THSD4: variants seen among roughly 807,000 people sequenced by gnomAD.
THSD4 encodes the protein thrombospondin type 1 domain containing 4.
In THSD4, 69 loss-of-function variants were observed where a neutral mutation model predicts 119.0. The observed-to-expected ratio is 0.58, with a 90% CI of 0.48 to 0.71. THSD4 has a LOEUF of 0.71. THSD4 is among the 30% of genes least tolerant of loss of function. THSD4 has a pLI of 0.00. For synonymous variants in THSD4, 524 were observed against 540.4 expected (o/e 0.97, Z 0.42); for missense variants, 1,393 against 1,391.1 (o/e 1.00, Z -0.02).
rs548136292 is a variant in THSD4, at chr15:71,233,949, G to C, written c.465-8700G>C. Among the ~76,000 whole-genome samples the C allele has an allele frequency of 7.9e-5, 12 of 152,268 alleles. No homozygotes were observed. In the South Asian group the frequency reaches 2.5e-3, roughly 32 times the overall value. On this transcript the variant is annotated intron_variant, in intron 4 of 17. Coordinates refer to ENST00000261862, the MANE Select transcript of THSD4 (RefSeq NM_024817.3). ...TGTGACCTGGATCCCCTGGTGAGGG[G>C]CTCCTGTGCAGGCTTGGCAAAGGAA...
intron 8 of THSD4, among the ~76,000 whole-genome samples, chr15:71,680,095 A>G (rs1351479195): frequency 2.0e-5 from 3 of 152,206 alleles, no homozygotes; most frequent in African/African-American, 7.2e-5. Flanking sequence ...AGTAGAAAAG[A>G]CGGATAAATA....
intron 7 of THSD4, among the ~76,000 whole-genome samples, chr15:71,504,058 A>T (rs909739255): frequency 6.6e-6 from 1 of 152,208 alleles, no homozygotes; most frequent in East Asian, 1.9e-4. Context: ...TGGGGAGGAA[A>T]GGGAGAGGTG....
chr15:71,141,325 C>T, intron 1 of THSD4, 124 bp from the exon 2 acceptor site: 1 of 559,650 alleles, frequency 1.8e-6, no homozygotes, highest in East Asian at 3.1e-5. Flanking sequence ...ATCCTGGGAA[C>T]CATAACTGGG....
At chr15:71,193,777 G>A (rs1199018170) in intron 3 of THSD4, among the ~76,000 whole-genome samples, 1 of 152,028 alleles carries the variant, frequency 6.6e-6, no homozygotes, top group South Asian at 2.1e-4. Context: ...GCGTGATCTC[G>A]GCTCTCTGCA....
chr15:71,439,703 G>A (rs1459057965), intron 7 of THSD4, among the ~76,000 whole-genome samples: 3 of 152,200 alleles, frequency 2.0e-5, no homozygotes, highest in African/African-American at 7.2e-5. Flanking sequence ...ATGAGTTCAT[G>A]TCCTTTGCAG....
chr15:71,389,305 C>T (rs1288056362), intron 6 of THSD4, among the ~76,000 whole-genome samples: 1 of 152,110 alleles, frequency 6.6e-6, no homozygotes, highest in Non-Finnish European at 1.5e-5. Context: ...CCCTTCAGCC[C>T]CTGGCAACTA....
chr15:71,556,709 G>T (rs1024002113), intron 7 of THSD4, among the ~76,000 whole-genome samples: 4 of 150,906 alleles, frequency 2.7e-5, no homozygotes, highest in African/African-American at 9.7e-5. Flanking sequence ...ACGCTGCAGT[G>T]AGCCATGATC....
chr15:71,604,199 A>G (rs1313445010), intron 7 of THSD4, among the ~76,000 whole-genome samples: 1 of 152,176 alleles, frequency 6.6e-6, no homozygotes, highest in Non-Finnish European at 1.5e-5. Flanking sequence ...AAGTTTTGCT[A>G]GTGTTCTGCC....
intron 14 of THSD4, 95 bp from the exon 15 acceptor site, chr15:71,757,807 A>G (rs2053567756): frequency 5.9e-6 from 9 of 1,517,924 alleles, no homozygotes; most frequent in Non-Finnish European, 7.2e-6. Context: ...AGACGGCAGG[A>G]AAATGAAGCA....
intron 7 of THSD4, among the ~76,000 whole-genome samples, chr15:71,560,469 C>T (rs1041955689): frequency 2.6e-5 from 4 of 152,156 alleles, no homozygotes; most frequent in Non-Finnish European, 5.9e-5. Flanking sequence ...CTCTAATAAA[C>T]ATATCACACT....
intron 7 of THSD4, among the ~76,000 whole-genome samples, chr15:71,653,200 G>A (rs767546754): frequency 6.6e-6 from 1 of 152,224 alleles, no homozygotes; most frequent in South Asian, 2.1e-4. Flanking sequence ...AAGCCAAGAG[G>A]CAATCTTAAA....
intron 7 of THSD4, among the ~76,000 whole-genome samples, chr15:71,543,831 C>T (rs926455399): frequency 3.3e-5 from 5 of 152,114 alleles, no homozygotes; most frequent in African/African-American, 1.2e-4. Context: ...AGTTCGAGAC[C>T]TGCCTGACCA....
intron 5 of THSD4, among the ~76,000 whole-genome samples, chr15:71,246,029 T>C (rs1409607848): frequency 1.3e-5 from 2 of 152,124 alleles, no homozygotes; most frequent in African/African-American, 4.8e-5. Context: ...AGAGAGGACA[T>C]GAATGACCCA....
chr15:71,312,629 T>C (rs73435498), intron 6 of THSD4, among the ~76,000 whole-genome samples: 1 of 151,988 alleles, frequency 6.6e-6, no homozygotes, highest in Non-Finnish European at 1.5e-5. Flanking sequence ...TCCTCTAACC[T>C]GCCAAGCCAC....
At chr15:71,749,853 C>G (rs533640592) in intron 14 of THSD4, among the ~76,000 whole-genome samples, 2 of 151,968 alleles carry the variant, frequency 1.3e-5, no homozygotes, top group South Asian at 2.1e-4. Context: ...CCCTGCCCCC[C>G]TCCCGCCAAC....
At chr15:71,656,504 C>T (rs11072317) in intron 7 of THSD4, among the ~76,000 whole-genome samples, 39,492 of 152,084 alleles carry the variant, frequency 0.26, 5,906 homozygotes, top group East Asian at 0.69. Context: ...GTTGGTCCCT[C>T]TTAATCCTGC....
At chr15:71,211,008 G>C (rs960996491) in intron 3 of THSD4, among the ~76,000 whole-genome samples, 1 of 152,124 alleles carries the variant, frequency 6.6e-6, no homozygotes, top group Non-Finnish European at 1.5e-5. Flanking sequence ...ACTAAAAGTA[G>C]AGCTGCTGGT....
At position 71,637,271 on chromosome 15, in the gene THSD4, A is replaced by G. The variant is rs530287860; in HGVS notation, c.1153-23259A>G. ...TCAAAGCACCTGCATTTAGAATTTT[A>G]GATGATAACTAAGATGGTTTGCATT... On this transcript the variant is annotated intron_variant, in intron 7 of 17. Coordinates refer to ENST00000261862, the MANE Select transcript of THSD4 (RefSeq NM_024817.3). Among the ~76,000 whole-genome samples, 74 of 152,352 alleles carry G rather than the reference A, an allele frequency of 4.9e-4. No individual in the cohort carries two copies. In the South Asian group the frequency reaches 0.014, roughly 28 times the overall value.
intron 6 of THSD4, among the ~76,000 whole-genome samples, chr15:71,378,645 G>GC (rs567218649): frequency 6.6e-6 from 1 of 152,184 alleles, no homozygotes; most frequent in Non-Finnish European, 1.5e-5. Flanking sequence ...TTATGCTTTA[G>GC]TTTTTTTAGT....
Sources: allele counts gnomAD v4.1 joint callset (sites outside exome capture counted in the v4.1 genomes callset), GRCh38; gene constraint gnomAD v4.1.1; transcripts MANE v1.5; gene names NCBI Gene and HGNC (gene_info 2026-07-23, HGNC 2026-07-21).